The following PARD3B variants were observed in gnomAD, a reference collection of about 807,000 sequenced individuals.
PARD3B encodes partitioning defective 3 homolog B.
PARD3B carries 103 observed loss-of-function variants against 130.2 expected under a neutral mutation model. The ratio of observed to expected loss-of-function variants is 0.79; its 90% confidence interval spans 0.67 to 0.93. The LOEUF (loss-of-function observed/expected upper bound fraction) is 0.93, where lower values mean the gene tolerates loss of function less well. Among genes scored for constraint, PARD3B ranks in the 40% least tolerant of loss-of-function variants. PARD3B has a pLI of 0.00. For synonymous variants in PARD3B, 583 were observed against 553.2 expected (o/e 1.05, Z -0.76); for missense variants, 1,609 against 1,499.2 (o/e 1.07, Z -1.21).
At chr2:204,555,085 T>C (rs558935911) in intron 1 of PARD3B, among the ~76,000 whole-genome samples, 11 of 152,334 alleles carry the variant, frequency 7.2e-5, no homozygotes, top group African/African-American at 2.6e-4. Flanking sequence ...TAGTCACTAA[T>C]GAGTGTTCCT....
At chr2:204,784,760 C>A (rs569178903) in intron 2 of PARD3B, among the ~76,000 whole-genome samples, 1 of 152,254 alleles carries the variant, frequency 6.6e-6, no homozygotes, top group East Asian at 1.9e-4. Flanking sequence ...TAAGTTGATA[C>A]GATTATTTTT....
At chr2:204,744,048 C>A (rs1365481090) in intron 2 of PARD3B, among the ~76,000 whole-genome samples, 2 of 152,176 alleles carry the variant, frequency 1.3e-5, no homozygotes, top group Non-Finnish European at 2.9e-5. Flanking sequence ...GAAGCTAGAT[C>A]TGGCCCCTTT....
intron 4 of PARD3B, among the ~76,000 whole-genome samples, chr2:205,064,268 T>G (rs1397614155): frequency 2.6e-5 from 4 of 152,112 alleles, no homozygotes; most frequent in Non-Finnish European, 2.9e-5. Context: ...TCTTGGGAAG[T>G]GAGAGATGCA....
rs923963662 is a variant in PARD3B, at chr2:205,066,188, A to G, written c.504+18498A>G. 9.2e-5 allele frequency among the ~76,000 whole-genome samples: 14 copies of G among 152,268 alleles called. No homozygotes were observed. In the East Asian group the frequency reaches 1.2e-3, roughly 13 times the overall value. On this transcript the variant is annotated intron_variant, in intron 4 of 22. Coordinates refer to ENST00000406610, the MANE Select transcript of PARD3B (RefSeq NM_001302769.2). ...ACCCTGTGCATATTTTCTGCTCTCA[A>G]TTTGGCTGAGGTACTAATCTTAATC...
chr2:205,150,252 T>TGTGTGTGTGTGC (rs375301293), intron 10 of PARD3B, among the ~76,000 whole-genome samples: 16 of 145,886 alleles, frequency 1.1e-4, no homozygotes, highest in African/African-American at 4.1e-4. Flanking sequence ...TGTGTGTGTG[T>TGTGTGTGTGTGC]GCACACACGC....
intron 1 of PARD3B, among the ~76,000 whole-genome samples, chr2:204,577,239 A>C (rs1193608547): frequency 1.3e-5 from 2 of 152,230 alleles, no homozygotes; most frequent in African/African-American, 4.8e-5. Flanking sequence ...TGATGATAGG[A>C]ATACCTAGTG....
At chr2:204,961,381 G>A (rs772713068) in intron 2 of PARD3B, among the ~76,000 whole-genome samples, 1 of 152,026 alleles carries the variant, frequency 6.6e-6, no homozygotes, top group African/African-American at 2.4e-5. Context: ...AGAGGGGAGA[G>A]AAAGAGAGTT....
intron 2 of PARD3B, among the ~76,000 whole-genome samples, chr2:204,713,637 C>T (rs1379771887): frequency 2.6e-5 from 4 of 152,068 alleles, no homozygotes; most frequent in South Asian, 4.1e-4. Flanking sequence ...CTAAGTACCT[C>T]ATATAAGTGG....
At chr2:205,050,169 T>G (rs1465043436) in intron 4 of PARD3B, among the ~76,000 whole-genome samples, 2 of 148,436 alleles carry the variant, frequency 1.3e-5, no homozygotes, top group Middle Eastern at 7.1e-3. Flanking sequence ...GCTAATTAAT[T>G]ATTATTAATT....
chr2:204,582,554 T>G (rs2032616838), intron 1 of PARD3B, among the ~76,000 whole-genome samples: 1 of 152,154 alleles, frequency 6.6e-6, no homozygotes, highest in African/African-American at 2.4e-5. Context: ...CTTCTTAGGT[T>G]TCTCTTCCAC....
At chr2:205,403,514 A>AG (rs2046321695) in intron 19 of PARD3B, among the ~76,000 whole-genome samples, 1 of 149,378 alleles carries the variant, frequency 6.7e-6, no homozygotes, top group African/African-American at 2.6e-5. Context: ...CCAAAGAGGC[A>AG]GGAAAAAAAA....
At chr2:204,871,885 T>A (rs890130833) in intron 2 of PARD3B, among the ~76,000 whole-genome samples, 2 of 152,072 alleles carry the variant, frequency 1.3e-5, no homozygotes, top group Non-Finnish European at 2.9e-5. Flanking sequence ...ATTTTAAAGC[T>A]TTCTTGTCCC....
intron 3 of PARD3B, among the ~76,000 whole-genome samples, chr2:205,009,805 A>G (rs1201035360): frequency 6.6e-6 from 1 of 152,200 alleles, no homozygotes; most frequent in African/African-American, 2.4e-5. Context: ...TTCCTATGAC[A>G]AGTACATATT....
chr2:205,285,629 C>G (rs1057102638), intron 16 of PARD3B, among the ~76,000 whole-genome samples: 4 of 152,168 alleles, frequency 2.6e-5, no homozygotes, highest in African/African-American at 7.2e-5. Flanking sequence ...CTTGCTGCCC[C>G]TTGGCAGGCC....
chr2:205,200,365 T>G (rs2036921671), intron 15 of PARD3B, among the ~76,000 whole-genome samples: 1 of 152,230 alleles, frequency 6.6e-6, no homozygotes, highest in South Asian at 2.1e-4. Context: ...CCCTGTCTGT[T>G]ATACAAAGCA....
rs79818577 is a variant in PARD3B, at chr2:205,105,779, A to G, written c.593+1265A>G. ...AGGGAGACCCTCTCTCTCTCTGAAGAAAAAAAAAAGGCGGGGGGATATGGG... is the reference window on the plus strand; with the variant it reads ...AGGGAGACCCTCTCTCTCTCTGAAGGAAAAAAAAAGGCGGGGGGATATGGG... On this transcript the variant is annotated intron_variant, in intron 5 of 22. Transcript: ENST00000406610. This position sits in a 1 kb window ranked among gnomAD's most constrained non-coding sequence, Gnocchi z 4.0. Among the ~76,000 whole-genome samples, 1 of 148,566 alleles carries G rather than the reference A, an allele frequency of 6.7e-6. No individual in the cohort carries two copies. The highest frequency in any genetic ancestry group is 6.7e-5 in the Admixed American group (1 of 14,844).
At chr2:205,404,037 T>C (rs1290248496) in intron 19 of PARD3B, among the ~76,000 whole-genome samples, 1 of 152,160 alleles carries the variant, frequency 6.6e-6, no homozygotes, top group African/African-American at 2.4e-5. Flanking sequence ...TTAAGAAAAT[T>C]TTGGAAACAT....
intron 15 of PARD3B, among the ~76,000 whole-genome samples, chr2:205,196,108 T>C (rs180779366): frequency 6.6e-6 from 1 of 152,280 alleles, no homozygotes; most frequent in East Asian, 1.9e-4. Context: ...AAAGCCTCCT[T>C]ATTCCCATCC....
intron 3 of PARD3B, among the ~76,000 whole-genome samples, chr2:204,985,830 G>C (rs1015037802): frequency 6.6e-6 from 1 of 152,152 alleles, no homozygotes; most frequent in East Asian, 1.9e-4. Flanking sequence ...GCTAGGCGTG[G>C]TGGCTCACAT....
Sources: gnomAD v4.1 joint callset for allele counts (sites outside exome capture counted in the v4.1 genomes callset) on GRCh38, gnomAD v4.1.1 for gene constraint, Gnocchi (gnomAD v3.1) non-coding constraint, MANE v1.5 for transcripts, NCBI Gene and HGNC (gene_info 2026-07-23, HGNC 2026-07-21) for gene names.